The following UBE2S variants were observed in gnomAD, a reference collection of about 807,000 sequenced individuals.
The protein encoded by UBE2S is ubiquitin-conjugating enzyme E2 S.
In UBE2S, 3 loss-of-function variants were observed where a neutral mutation model predicts 12.3. The ratio of observed to expected loss-of-function variants is 0.24; its 90% CI spans 0.11 to 0.63. The LOEUF is 0.63. Among genes scored for constraint, UBE2S ranks in the 30% least tolerant of loss-of-function variants. The probability of loss-of-function intolerance (pLI) is 0.85; values close to 1 mark genes in which losing one functional copy is unlikely to be tolerated. For missense variants in UBE2S, 211 were observed against 313.9 expected (o/e 0.67, Z 2.48); for synonymous variants, 133 against 142.0 (o/e 0.94, Z 0.45).
intron 3 of UBE2S, chr19:55,402,927 CT>C (rs112400318): frequency 0.033 from 31,759 of 950,934 alleles, no homozygotes; most frequent in South Asian, 0.058. Flanking sequence ...ATTTGGTTAA[CT>C]TTTTTTTTTT....
chr19:55,401,435 A>G lies in UBE2S; in HGVS notation c.*1T>C, dbSNP rs1215069589. 1 of 1,598,316 alleles carries G rather than the reference A, an allele frequency of 6.3e-7. No individual in the cohort carries two copies. The highest frequency in any genetic ancestry group is 2.2e-5 in the East Asian group (1 of 44,836). ...CACGGTGGAAGGAGGAAGAGAGCCC[A>G]CTACAGCCGCCGCAGCGCCCGCTTC... On this transcript the variant is annotated 3_prime_UTR_variant, in exon 4 of 4. Transcript: ENST00000264552.
Position 55,401,679 on chromosome 19 carries a change from C to T in UBE2S, c.426G>A (p.Glu142=), listed in dbSNP as rs553328189. The T allele has an allele frequency of 5.6e-6, 9 of 1,612,704 alleles. No homozygotes were observed. Among genetic ancestry groups the T allele is most frequent in the South Asian group, 2.2e-5 (2 of 91,026 alleles). ...EAGRLLLENY[E]EYAARARLLT... ...GCAGACGGGCCCGAGCCGCATACTC[C>T]TCGTAGTTCTCCAAGAGCAGGCGGC... The change falls in exon 4 of 4, where the codon GAG becomes GAA. Residue 142 remains glutamate, a synonymous_variant. Coordinates refer to ENST00000264552, the MANE Select transcript of UBE2S (RefSeq NM_014501.3).
intron 3 of UBE2S, among the ~76,000 whole-genome samples, chr19:55,403,524 G>A (rs1009873478): frequency 6.7e-6 from 1 of 148,454 alleles, no homozygotes; most frequent in Non-Finnish European, 1.5e-5. Context: ...AGGGAAGAAA[G>A]AAAAAGGAAA....
At chr19:55,405,217 A>C (rs1336694495) in intron 2 of UBE2S, among the ~76,000 whole-genome samples, 2 of 148,002 alleles carry the variant, frequency 1.4e-5, no homozygotes, top group Admixed American at 1.3e-4. Context: ...TTTCCAAAAA[A>C]AAAAAAAAAA....
In UBE2S at chr19:55,401,780, G is replaced by GGGT. The variant is rs763989694; in HGVS notation, c.343-21_343-19dup. The stretch of plus-strand genomic sequence containing the variant: ...TTGATGGTCTGTGGGAAGAGGCTCA[G>GGGT]GGTCACAGTGGGTCGGGCAACCTAC... On this transcript the variant is annotated intron_variant, in intron 3 of 3. Transcript: ENST00000264552. 2 of 1,612,642 alleles carry GGGT rather than the reference G, an allele frequency of 1.2e-6. No homozygotes were observed. Among genetic ancestry groups the GGGT allele is most frequent in the South Asian group, 2.2e-5 (2 of 91,050 alleles).
At chr19:55,407,479 G>A in intron 1 of UBE2S, 108 bp downstream of exon 1, 6 of 1,250,226 alleles carry the variant, frequency 4.8e-6, no homozygotes, top group Non-Finnish European at 6.5e-6. Context: ...GGACCCCCAG[G>A]CTGGCCCTCA....
chr19:55,402,048 A>C (rs1227639855), intron 3 of UBE2S, among the ~76,000 whole-genome samples: 1 of 152,158 alleles, frequency 6.6e-6, no homozygotes, highest in Non-Finnish European at 1.5e-5. Context: ...GTAACGGGGG[A>C]AACGCCAAGG....
At chr19:55,406,759 G>A in intron 2 of UBE2S, 56 bp downstream of exon 2, 1 of 1,567,132 alleles carries the variant, frequency 6.4e-7, no homozygotes, top group Non-Finnish European at 8.7e-7. Context: ...GTGATCTAGA[G>A]CAGGGTGATG....
intron 1 of UBE2S, among the ~76,000 whole-genome samples, 193 bp downstream of exon 1, chr19:55,407,394 G>A (rs1186856968): frequency 6.6e-6 from 1 of 152,112 alleles, no homozygotes; most frequent in African/African-American, 2.4e-5. Flanking sequence ...CGGAGCCCTC[G>A]CCGCCAGGGA....
chr19:55,406,297 T>C (rs1011842118), intron 2 of UBE2S, among the ~76,000 whole-genome samples: 98 of 152,198 alleles, frequency 6.4e-4, no homozygotes, highest in African/African-American at 2.2e-3. Flanking sequence ...ATCCTGACTT[T>C]GTAGGAATTC....
chr19:55,404,535 A>G lies in UBE2S; in HGVS notation c.152-57T>C, dbSNP rs991359929. 1.1e-5 allele frequency: 16 copies of G among 1,486,570 alleles called. No homozygotes were observed. The highest frequency in any genetic ancestry group is 1.1e-5 in the Non-Finnish European group (12 of 1,103,522). The allele number at this position is 1,486,570 out of a possible 1,614,324, so 92.1% of individuals were successfully genotyped here. A position where few individuals can be genotyped will look rare whatever the true frequency, so the allele number is the denominator to read the frequency against. ...CACTCAGGAGTCCCAAGGCACCTCA[A>G]CACCCCAAAGTCCAGTCTCCACGGT... On this transcript the variant is annotated intron_variant, in intron 2 of 3. Coordinates refer to ENST00000264552, the MANE Select transcript of UBE2S (RefSeq NM_014501.3). This position sits in a 1 kb window ranked among gnomAD's most constrained non-coding sequence, Gnocchi z 4.4.
chr19:55,401,833 T>A, intron 3 of UBE2S, 71 bp from the exon 4 acceptor site: 2 of 1,530,596 alleles, frequency 1.3e-6, no homozygotes, highest in South Asian at 1.1e-5. Flanking sequence ...CACAAGAGGG[T>A]GGCCTCCGCA....
At chr19:55,407,074 T>A in intron 1 of UBE2S, 112 bp from the exon 2 acceptor site, 1 of 1,359,442 alleles carries the variant, frequency 7.4e-7, no homozygotes. Flanking sequence ...AGGCTGTCAA[T>A]CACCCTTGAA....
At chr19:55,403,580 A>ACCT (rs1460680569) in intron 3 of UBE2S, among the ~76,000 whole-genome samples, 1 of 151,832 alleles carries the variant, frequency 6.6e-6, no homozygotes, top group Non-Finnish European at 1.5e-5. Context: ...TAGACCCTTG[A>ACCT]CCTCCACCTG....
At chr19:55,407,007 G>A in intron 1 of UBE2S, 45 bp from the exon 2 acceptor site, 2 of 1,598,688 alleles carry the variant, frequency 1.3e-6, no homozygotes, top group Non-Finnish European at 1.7e-6. Context: ...TTAAGAGCTG[G>A]GCTTCCCGCA....
In UBE2S at chr19:55,404,241, C is replaced by T; in HGVS notation, c.342+47G>A. On this transcript the variant is annotated intron_variant, in intron 3 of 3. Coordinates refer to ENST00000264552, the MANE Select transcript of UBE2S (RefSeq NM_014501.3). The surrounding 1 kb of genome is among the most constrained non-coding windows in gnomAD (Gnocchi z 4.4). ...GCGCTATGGCTCAGACACCAGCAGA[C>T]CTCCAGAGGCAGGAGGCAGGAGGCC... 2.5e-6 allele frequency: 4 copies of T among 1,604,282 alleles called. No homozygotes were observed. Among genetic ancestry groups the T allele is most frequent in the East Asian group, 4.5e-5 (2 of 44,858 alleles).
Position 55,401,392 on chromosome 19 carries a change from G to A in UBE2S, c.*44C>T, listed in dbSNP as rs746357955. 6.7e-6 allele frequency: 9 copies of A among 1,336,088 alleles called. No homozygotes were observed. Among genetic ancestry groups the A allele is most frequent in the Non-Finnish European group, 9.4e-6 (9 of 960,170 alleles). The allele number at this position is 1,336,088 out of a possible 1,614,324, so 82.8% of individuals were successfully genotyped here. ...CTTAGAGACAGAGTTGGAGGGAGGG[G>A]ACAGGAGAGGTTGGGGTCACGGTGG... On this transcript the variant is annotated 3_prime_UTR_variant, in exon 4 of 4. Coordinates refer to ENST00000264552, the MANE Select transcript of UBE2S (RefSeq NM_014501.3).
At chr19:55,406,299 T>C (rs1410016528) in intron 2 of UBE2S, among the ~76,000 whole-genome samples, 2 of 152,214 alleles carry the variant, frequency 1.3e-5, no homozygotes, top group Non-Finnish European at 2.9e-5. Context: ...CCTGACTTTG[T>C]AGGAATTCTG....
chr19:55,405,576 TCA>T (rs1158913020), intron 2 of UBE2S, among the ~76,000 whole-genome samples: 2 of 150,902 alleles, frequency 1.3e-5, no homozygotes, highest in Non-Finnish European at 2.9e-5. Flanking sequence ...CCCCAAAACC[TCA>T]GAGATGATGC....
Sources: gnomAD v4.1 joint callset for allele counts (sites outside exome capture counted in the v4.1 genomes callset) on GRCh38, gnomAD v4.1.1 for gene constraint, Gnocchi (gnomAD v3.1) non-coding constraint, MANE v1.5 for transcripts, NCBI Gene and HGNC (gene_info 2026-07-23, HGNC 2026-07-21) for gene names.